Variants in TMEM51 observed in about 807,000 individuals in gnomAD.
The protein encoded by TMEM51 is chromosome 1 open reading frame 72.
A neutral mutation model predicts 13.6 loss-of-function variants in TMEM51; 8 were observed. That is an observed-to-expected ratio of 0.59 (90% CI 0.35 to 1.07). The LOEUF (loss-of-function observed/expected upper bound fraction) is 1.07, where lower values mean the gene tolerates loss of function less well. Among genes scored for constraint, TMEM51 ranks in the 50% least tolerant of loss-of-function variants. TMEM51 has a pLI of 0.02. For missense variants in TMEM51, 279 were observed against 330.7 expected (o/e 0.84, Z 1.21); for synonymous variants, 147 against 144.4 (o/e 1.02, Z -0.13).
intron 1 of TMEM51, among the ~76,000 whole-genome samples, chr1:15,203,251 C>T (rs954172648): frequency 2.0e-5 from 3 of 151,904 alleles, no homozygotes; most frequent in South Asian, 2.1e-4. Flanking sequence ...ACCTGGCCAC[C>T]GTTTTTTGTT....
intron 1 of TMEM51, among the ~76,000 whole-genome samples, chr1:15,206,227 T>C (rs1644245686): frequency 9.9e-5 from 3 of 30,264 alleles, no homozygotes; most frequent in South Asian, 1.6e-3. Context: ...TGAGACCCTG[T>C]CAAAAAAAAA....
At chr1:15,183,285 A>G (rs1400765962) in intron 1 of TMEM51, among the ~76,000 whole-genome samples, 1 of 152,232 alleles carries the variant, frequency 6.6e-6, no homozygotes, top group African/African-American at 2.4e-5. Flanking sequence ...ATTCCTTTCA[A>G]TGTTATGCAT....
intron 1 of TMEM51, among the ~76,000 whole-genome samples, chr1:15,205,312 G>A (rs1236042330): frequency 1.3e-5 from 2 of 152,162 alleles, no homozygotes; most frequent in South Asian, 2.1e-4. Flanking sequence ...CTTGTGTTTG[G>A]AGTCGGGGAG....
intron 2 of TMEM51, among the ~76,000 whole-genome samples, 194 bp from the exon 3 acceptor site, chr1:15,214,701 G>A (rs1483768491): frequency 6.6e-6 from 1 of 152,184 alleles, no homozygotes; most frequent in Non-Finnish European, 1.5e-5. Flanking sequence ...TGGGCAGACC[G>A]GCCTCCCTTC....
chr1:15,179,540 T>C (rs989595099), intron 1 of TMEM51, among the ~76,000 whole-genome samples: 3 of 152,168 alleles, frequency 2.0e-5, no homozygotes, highest in Non-Finnish European at 4.4e-5. Context: ...CCCATCACTT[T>C]GAGAGGCCGA....
chr1:15,210,029 A>G (rs1400425487), intron 1 of TMEM51, among the ~76,000 whole-genome samples: 1 of 152,006 alleles, frequency 6.6e-6, no homozygotes, highest in Non-Finnish European at 1.5e-5. Context: ...AGACTCAGGA[A>G]GGAAGGAAGG....
rs1160757271 is a variant in TMEM51, at chr1:15,207,875, AT to A, written c.-266-2612del. The stretch of plus-strand genomic sequence containing the variant: ...CAAATTATTTGCATACGGATACAAG[AT>A]TTGGGTATCTGGATCTTCCTGCAAG... On this transcript the variant is annotated intron_variant, in intron 1 of 3. Coordinates refer to ENST00000376008, the MANE Select transcript of TMEM51 (RefSeq NM_001136218.2). The surrounding 1 kb of genome is among the most constrained non-coding windows in gnomAD (Gnocchi z 4.6). Among the ~76,000 whole-genome samples, 1 of 152,172 alleles carries A rather than the reference AT, an allele frequency of 6.6e-6. No individual in the cohort carries two copies. The highest frequency in any genetic ancestry group is 6.5e-5 in the Admixed American group (1 of 15,284).
chr1:15,195,082 G>T (rs1644020861), intron 1 of TMEM51, among the ~76,000 whole-genome samples: 1 of 151,654 alleles, frequency 6.6e-6, no homozygotes, highest in African/African-American at 2.4e-5. Flanking sequence ...TCACCACCAT[G>T]CCCCGTTAGT....
intron 1 of TMEM51, among the ~76,000 whole-genome samples, chr1:15,187,210 G>A (rs552809357): frequency 6.9e-4 from 8 of 11,518 alleles, no homozygotes; most frequent in Non-Finnish European, 1.2e-3. Flanking sequence ...ACCCCTCCCC[G>A]AGTCAGATCC....
At chr1:15,164,444 G>A (rs1557831620) in intron 1 of TMEM51, 1 of 456,028 alleles carries the variant, frequency 2.2e-6, no homozygotes, top group Non-Finnish European at 4.4e-6. Context: ...CTGGGCCTTT[G>A]GGTTTTGGGA....
intron 1 of TMEM51, among the ~76,000 whole-genome samples, chr1:15,159,576 G>C (rs946884617): frequency 7.2e-5 from 11 of 151,958 alleles, no homozygotes; most frequent in African/African-American, 2.7e-4. Flanking sequence ...TTTGTTTTTT[G>C]AGACAGAGTC....
At chr1:15,201,543 C>T (rs967038823) in intron 1 of TMEM51, among the ~76,000 whole-genome samples, 3 of 151,950 alleles carry the variant, frequency 2.0e-5, no homozygotes, top group Non-Finnish European at 4.4e-5. Flanking sequence ...GCCACAATTC[C>T]GAAATGTAAC....
At chr1:15,211,579 G>A (rs2100346612) in intron 2 of TMEM51, among the ~76,000 whole-genome samples, 1 of 152,216 alleles carries the variant, frequency 6.6e-6, no homozygotes, top group Non-Finnish European at 1.5e-5. Context: ...TTACAGCTGT[G>A]GAGACTGAAG....
intron 1 of TMEM51, among the ~76,000 whole-genome samples, chr1:15,174,909 A>C (rs1302290769): frequency 6.6e-6 from 1 of 152,154 alleles, no homozygotes; most frequent in Non-Finnish European, 1.5e-5. Context: ...AACCTGAATT[A>C]CCTACCCAAA....
At chr1:15,189,572 C>G (rs1001850640) in intron 1 of TMEM51, among the ~76,000 whole-genome samples, 3 of 152,156 alleles carry the variant, frequency 2.0e-5, no homozygotes, top group African/African-American at 7.2e-5. Context: ...GGAACACTCA[C>G]TGATCTACCA....
At chr1:15,197,485 G>A (rs1644072251) in intron 1 of TMEM51, among the ~76,000 whole-genome samples, 1 of 152,142 alleles carries the variant, frequency 6.6e-6, no homozygotes, top group African/African-American at 2.4e-5. Context: ...CGGCCTCTCT[G>A]ACTGAAGAGG....
Position 15,219,663 on chromosome 1 carries a change from C to A in TMEM51, c.682C>A (p.Pro228Thr), listed in dbSNP as rs1012624111. 6.2e-6 allele frequency: 10 copies of A among 1,613,868 alleles called. No homozygotes were observed. The Admixed American group carries it at 1.3e-4, about 22-fold the overall frequency. ...INLPDKNVPP[P>T]SIEPLTPPPQ... ...CCTCCCAGACAAAAACGTCCCTCCT[C>A]CCTCGATAGAGCCTTTGACTCCTCC... The change falls in exon 4 of 4, where the codon CCC becomes ACC. Residue 228 changes from proline to threonine, a missense_variant. Transcript: ENST00000376008.
At position 15,160,473 on chromosome 1, in the gene TMEM51, C is replaced by T. The variant is rs553273730; in HGVS notation, c.-267+6519C>T. The stretch of plus-strand genomic sequence containing the variant: ...ATTTTTAATAGAGATAGGGTTTCAC[C>T]ATGTTGGCCAAGCTGGTCTTGAACT... On this transcript the variant is annotated intron_variant, in intron 1 of 3. Coordinates refer to ENST00000376008, the MANE Select transcript of TMEM51 (RefSeq NM_001136218.2). 3.3e-5 allele frequency among the ~76,000 whole-genome samples: 5 copies of T among 152,074 alleles called. No individual in the cohort carries two copies. In the East Asian group the frequency reaches 9.7e-4, roughly 29 times the overall value.
chr1:15,185,893 A>G (rs987407508), intron 1 of TMEM51, among the ~76,000 whole-genome samples: 1 of 152,202 alleles, frequency 6.6e-6, no homozygotes, highest in Non-Finnish European at 1.5e-5. Flanking sequence ...CCATGCTGTC[A>G]TCCTTTTAAA....
Sources: allele counts gnomAD v4.1 joint callset (sites outside exome capture counted in the v4.1 genomes callset), GRCh38; gene constraint gnomAD v4.1.1; non-coding constraint Gnocchi (gnomAD v3.1); transcripts MANE v1.5; gene names NCBI Gene and HGNC (gene_info 2026-07-23, HGNC 2026-07-21).